The following SV2B variants were observed in gnomAD, a reference collection of about 807,000 sequenced individuals.
SV2B encodes the protein solute carrier family 22 member B2.
Under a neutral mutation model 73.9 loss-of-function variants are expected in SV2B, and 41 were observed. The observed-to-expected ratio is 0.56, with a 90% confidence interval of 0.43 to 0.72. The LOEUF (loss-of-function observed/expected upper bound fraction) is 0.72. SV2B is among the 30% of genes least tolerant of loss of function. The pLI, the probability that SV2B is intolerant of heterozygous loss-of-function variation, is 0.00. For missense variants in SV2B, 764 were observed against 857.8 expected (o/e 0.89, Z 1.37); for synonymous variants, 314 against 314.2 (o/e 1.00, Z 0.01).
At position 91,197,440 on chromosome 15, in the gene SV2B, T is replaced by G. The variant is rs1156858495; in HGVS notation, c.-391-28433T>G. Among the ~76,000 whole-genome samples, 1 of 151,622 alleles carries G rather than the reference T, an allele frequency of 6.6e-6. No individual in the cohort carries two copies. The highest frequency in any genetic ancestry group is 1.5e-5 in the Non-Finnish European group (1 of 67,912). ...GGTTTCTCCATGTTGGTCAGGCTGG[T>G]CTCAAACTCCCGACTTCAGGTCATC... On this transcript the variant is annotated intron_variant, in intron 1 of 12. Transcript: ENST00000394232. The surrounding 1 kb of genome is among the most constrained non-coding windows in gnomAD (Gnocchi z 4.9).
intron 1 of SV2B, among the ~76,000 whole-genome samples, chr15:91,194,528 T>C (rs1007077003): frequency 2.0e-5 from 3 of 152,242 alleles, no homozygotes; most frequent in African/African-American, 7.2e-5. Context: ...TACGTATGTT[T>C]AGATTATCTC....
At chr15:91,161,968 T>G (rs2043735363) in intron 1 of SV2B, among the ~76,000 whole-genome samples, 1 of 152,196 alleles carries the variant, frequency 6.6e-6, no homozygotes, top group Non-Finnish European at 1.5e-5. Flanking sequence ...TAATCTCAAA[T>G]TAGTCAGGGT....
In SV2B at chr15:91,288,166, C is replaced by T. The variant is rs188980167; in HGVS notation, c.1709-1355C>T. Among the ~76,000 whole-genome samples, 1 of 152,298 alleles carries T rather than the reference C, an allele frequency of 6.6e-6. No individual in the cohort carries two copies. The highest frequency in any genetic ancestry group is 2.4e-5 in the African/African-American group (1 of 41,552). ...GGGGATTCGGGTAAATGGGGAATAG[C>T]ACCGCCTTTCTTCAGGTTTCCCTTC... is the stretch of plus-strand genomic sequence containing the variant. On this transcript the variant is annotated intron_variant, in intron 11 of 12. Coordinates refer to ENST00000394232, the MANE Select transcript of SV2B (RefSeq NM_001323032.3). The surrounding 1 kb of genome is among the most constrained non-coding windows in gnomAD (Gnocchi z 5.8).
intron 9 of SV2B, among the ~76,000 whole-genome samples, chr15:91,276,608 C>A (rs62026633): frequency 0.45 from 68,665 of 151,504 alleles, 16,778 homozygotes; most frequent in African/African-American, 0.63. Context: ...AGTCTATCAA[C>A]GACATTCTTA....
In SV2B at chr15:91,131,390, G is replaced by A. The variant is rs533987846; in HGVS notation, c.-392+31027G>A. ...AGTCGATTTGAACATCTGTATTGGG[G>A]GGGGTTGGGCAGATAAGCACACATA... On this transcript the variant is annotated intron_variant, in intron 1 of 12. Coordinates refer to ENST00000394232, the MANE Select transcript of SV2B (RefSeq NM_001323032.3). Among the ~76,000 whole-genome samples the A allele has an allele frequency of 2.1e-4, 32 of 151,790 alleles. No individual in the cohort carries two copies. The South Asian group carries it at 5.4e-3, about 26-fold the overall frequency.
chr15:91,206,226 G>C (rs71409387), intron 1 of SV2B, among the ~76,000 whole-genome samples: 1 of 113,726 alleles, frequency 8.8e-6, no homozygotes, highest in East Asian at 2.6e-4. Flanking sequence ...TTTTTTTTCA[G>C]ATACAGGTTC....
chr15:91,107,398 T>C (rs1365032128), intron 1 of SV2B, among the ~76,000 whole-genome samples: 1 of 151,734 alleles, frequency 6.6e-6, no homozygotes, highest in Non-Finnish European at 1.5e-5. Flanking sequence ...CTGCAACCTC[T>C]GCCTCCCGGG....
rs114757386 is a variant in SV2B, at chr15:91,240,546, C to A, written c.452-11273C>A. Among the ~76,000 whole-genome samples the A allele has an allele frequency of 5.4e-3, 823 of 152,244 alleles. 7 individuals are homozygous for A. The highest frequency in any genetic ancestry group is 0.019 in the African/African-American group (773 of 41,540). On this transcript the variant is annotated intron_variant, in intron 2 of 12. Coordinates refer to ENST00000394232, the MANE Select transcript of SV2B (RefSeq NM_001323032.3). This position sits in a 1 kb window ranked among gnomAD's most constrained non-coding sequence, Gnocchi z 4.6. The stretch of plus-strand genomic sequence containing the variant: ...AAAAAGGCTAAAAAACCCCAAAAAA[C>A]CAAGATGGCTCTCTCTGACCTCCAT...
rs545618154 is a variant in SV2B, at chr15:91,260,274, A to G, written c.919-46A>G. ...TTTCCACCCCTAATGAACAGAAGGC[A>G]TAGTCAGCAATGAATTTTTCCTGTG... is the stretch of plus-strand genomic sequence containing the variant. On this transcript the variant is annotated intron_variant, in intron 5 of 12. Transcript: ENST00000394232. 2.8e-5 allele frequency: 43 copies of G among 1,542,792 alleles called. No homozygotes were observed. The East Asian group carries it at 5.2e-4, about 19-fold the overall frequency.
At chr15:91,208,401 A>G (rs773306576) in intron 1 of SV2B, among the ~76,000 whole-genome samples, 1 of 152,196 alleles carries the variant, frequency 6.6e-6, no homozygotes, top group Admixed American at 6.5e-5. Context: ...ATAAAACAAC[A>G]TGATGTTAGT....
intron 1 of SV2B, among the ~76,000 whole-genome samples, chr15:91,174,637 C>T (rs1234751916): frequency 6.6e-6 from 1 of 152,204 alleles, no homozygotes; most frequent in East Asian, 1.9e-4. Context: ...AGTTTACACT[C>T]TGGAGAAGCG....
chr15:91,178,058 A>T (rs2044390738), intron 1 of SV2B, among the ~76,000 whole-genome samples: 1 of 151,892 alleles, frequency 6.6e-6, no homozygotes, highest in Non-Finnish European at 1.5e-5. Flanking sequence ...TTATTTTGAG[A>T]TACATCCCAT....
chr15:91,221,019 A>G (rs1221178210), intron 1 of SV2B, among the ~76,000 whole-genome samples: 1 of 151,956 alleles, frequency 6.6e-6, no homozygotes, highest in Admixed American at 6.6e-5. Context: ...GTGTGCAACC[A>G]TGCCTGGCTG....
chr15:91,114,588 G>A (rs948331507), intron 1 of SV2B, among the ~76,000 whole-genome samples: 3 of 152,166 alleles, frequency 2.0e-5, no homozygotes, highest in East Asian at 1.9e-4. Flanking sequence ...AGGTTCCTCT[G>A]TGGCTATTTA....
chr15:91,166,607 A>C (rs1442581845), intron 1 of SV2B, among the ~76,000 whole-genome samples: 4 of 151,932 alleles, frequency 2.6e-5, no homozygotes, highest in Non-Finnish European at 5.9e-5. Flanking sequence ...CTTTTGATAT[A>C]GTTCCATAGG....
In SV2B at chr15:91,266,720, G is replaced by C. The variant is rs201449516; in HGVS notation, c.1119+28G>C. 72 of 1,561,380 alleles carry C rather than the reference G, an allele frequency of 4.6e-5. No homozygotes were observed. In the East Asian group the frequency reaches 1.6e-3, roughly 34 times the overall value. On this transcript the variant is annotated intron_variant, in intron 7 of 12. Coordinates refer to ENST00000394232, the MANE Select transcript of SV2B (RefSeq NM_001323032.3). The stretch of plus-strand genomic sequence containing the variant: ...ATGATTGGGAACTTACTTTGGATGA[G>C]GATGCGTCTCTATGGGAGTCTCTTA...
chr15:91,172,445 A>G (rs1381487629), intron 1 of SV2B, among the ~76,000 whole-genome samples: 1 of 152,132 alleles, frequency 6.6e-6, no homozygotes. Context: ...CACGAAGCAA[A>G]CCCATCCCCT....
intron 1 of SV2B, among the ~76,000 whole-genome samples, chr15:91,185,377 A>T (rs1357955314): frequency 6.6e-6 from 1 of 152,248 alleles, no homozygotes; most frequent in African/African-American, 2.4e-5. Flanking sequence ...TTATTTTGAC[A>T]TGATATGGAT....
chr15:91,152,949 G>T (rs2043359653), intron 1 of SV2B, among the ~76,000 whole-genome samples: 1 of 152,176 alleles, frequency 6.6e-6, no homozygotes. Flanking sequence ...AGGCTGAGGA[G>T]TCCATGATCA....
Sources: gnomAD v4.1 joint callset for allele counts (sites outside exome capture counted in the v4.1 genomes callset) on GRCh38, gnomAD v4.1.1 for gene constraint, Gnocchi (gnomAD v3.1) non-coding constraint, MANE v1.5 for transcripts, NCBI Gene and HGNC (gene_info 2026-07-23, HGNC 2026-07-21) for gene names.